The following KCNA2 variants were observed in gnomAD, a reference collection of about 807,000 sequenced individuals.
KCNA2 encodes the protein potassium voltage-gated channel subfamily A member 2, also known as potassium channel, voltage gated shaker related subfamily A, member 2.
In KCNA2, 11 loss-of-function variants were observed where a neutral mutation model predicts 33.4. That is an observed-to-expected ratio of 0.33 (90% CI 0.21 to 0.55). The LOEUF (loss-of-function observed/expected upper bound fraction) is 0.55. Ranked by LOEUF, KCNA2 falls within the 20% of genes least tolerant of loss-of-function variation. KCNA2 has a pLI of 0.93. For synonymous variants in KCNA2, 222 were observed against 231.3 expected (o/e 0.96, Z 0.37); for missense variants, 291 against 621.6 (o/e 0.47, Z 5.66).
Position 110,598,788 on chromosome 1 carries a change from T to C in KCNA2, c.*4495A>G, listed in dbSNP as rs17026173. The C allele has an allele frequency of 0.26, 256,053 of 984,854 alleles. 34,712 individuals carry two copies. Among genetic ancestry groups the C allele is most frequent in the East Asian group, 0.56 (4,927 of 8,788 alleles). The allele number at this position is 984,854 out of a possible 1,614,324, so 61.0% of individuals were successfully genotyped here. ...AGAAGGAAGAGAGCATGTCAAATATTACTGAAGTTTCAGAAAGCACAGAGC... is the reference window on the plus strand; with the variant it reads ...AGAAGGAAGAGAGCATGTCAAATATCACTGAAGTTTCAGAAAGCACAGAGC... On this transcript the variant is annotated 3_prime_UTR_variant, in exon 3 of 3. Coordinates refer to ENST00000316361, the MANE Select transcript of KCNA2 (RefSeq NM_004974.4).
rs1007530867 is a variant in KCNA2, at chr1:110,600,105, G to A, written c.*3178C>T. 6.1e-6 allele frequency: 6 copies of A among 984,922 alleles called. No homozygotes were observed. Among genetic ancestry groups the A allele is most frequent in the East Asian group, 1.1e-4 (1 of 8,798 alleles). 61.0% of individuals were successfully genotyped at this position (984,922 alleles called of 1,614,324 possible). A position where few individuals can be genotyped will look rare whatever the true frequency, so the allele number is the denominator to read the frequency against. ...AAGATCCTGGGGGATATAGACACAG[G>A]CCAGGCAAAGGTGATTACATCTGAT... On this transcript the variant is annotated 3_prime_UTR_variant, in exon 3 of 3. Coordinates refer to ENST00000316361, the MANE Select transcript of KCNA2 (RefSeq NM_004974.4).
In KCNA2 at chr1:110,603,850, G is replaced by A. The variant is rs1649470586; in HGVS notation, c.933C>T (p.Ser311=). 1 of 1,614,044 alleles carries A rather than the reference G, an allele frequency of 6.2e-7. No homozygotes were observed. Among genetic ancestry groups the A allele is most frequent in the South Asian group, 1.1e-5 (1 of 91,086 alleles). ...TCTGACCTAGAATCTGGAGACCTTT[G>A]GAGTGTCTGGACAACTTGAAAATCC... ...VFRIFKLSRH[S]KGLQILGQTL... Residue 311 remains serine, a synonymous_variant, in exon 3 of 3, where the codon TCC becomes TCT. Coordinates refer to ENST00000316361, the MANE Select transcript of KCNA2 (RefSeq NM_004974.4). This position sits in a 1 kb window ranked among gnomAD's most constrained non-coding sequence, Gnocchi z 5.7.
At chr1:110,625,816 T>C (rs1650374138) in intron 1 of KCNA2, among the ~76,000 whole-genome samples, 1 of 152,160 alleles carries the variant, frequency 6.6e-6, no homozygotes, top group Non-Finnish European at 1.5e-5. Flanking sequence ...GACAAAGAAG[T>C]GCATGTGCTC....
At position 110,604,708 on chromosome 1, in the gene KCNA2, T is replaced by C. The variant is rs760500323; in HGVS notation, c.75A>G (p.Pro25=). 1 of 1,614,208 alleles carries C rather than the reference T, an allele frequency of 6.2e-7. No homozygotes were observed. Among genetic ancestry groups the C allele is most frequent in the Non-Finnish European group, 8.5e-7 (1 of 1,180,026 alleles). ...TCTCACAGCACTCGTGGTCTGCCTC[T>C]GGGTCATAGGTGTCCTGTGGGTGCC... is the stretch of plus-strand genomic sequence containing the variant. ...LPGHPQDTYD[P]EADHECCERV... Residue 25 remains proline, a synonymous_variant, in exon 3 of 3, where the codon CCA becomes CCG. Transcript: ENST00000316361. The surrounding 1 kb of genome is among the most constrained non-coding windows in gnomAD (Gnocchi z 7.6).
rs1649422975 is a variant in KCNA2 at position 110,602,942 on chromosome 1, C to T, written c.*341G>A. ...GGATGGTGGGGAGGGGAGTGCATCT[C>T]TTGGATGTTGTGTGCATTTCATTAG... On this transcript the variant is annotated 3_prime_UTR_variant, in exon 3 of 3. Coordinates refer to ENST00000316361, the MANE Select transcript of KCNA2 (RefSeq NM_004974.4). 3 of 1,071,520 alleles carry T rather than the reference C, an allele frequency of 2.8e-6. No homozygotes were observed. The highest frequency in any genetic ancestry group is 3.4e-6 in the Non-Finnish European group (3 of 886,294). The allele number at this position is 1,071,520 out of a possible 1,614,324, so 66.4% of individuals were successfully genotyped here.
Position 110,599,067 on chromosome 1 carries a change from CTGT to C in KCNA2, c.*4213_*4215del, listed in dbSNP as rs1312411988. On this transcript the variant is annotated 3_prime_UTR_variant, in exon 3 of 3. Transcript: ENST00000316361. ...TTTGGACCCATATGTCCACTCCCTA[CTGT>C]TGTTACCTTTTCTGTAGAGACTGGG... 1.0e-6 allele frequency: 1 copy of C among 985,298 alleles called. No individual in the cohort carries two copies. The highest frequency in any genetic ancestry group is 6.1e-5 in the Admixed American group (1 of 16,268). 61.0% of individuals were successfully genotyped at this position (985,298 alleles called of 1,614,324 possible).
chr1:110,630,009 C>CTTTTTTTTTTTTTTT (rs372364243), intron 1 of KCNA2, among the ~76,000 whole-genome samples: 1 of 115,220 alleles, frequency 8.7e-6, no homozygotes, highest in African/African-American at 3.8e-5. Flanking sequence ...GTGCTCTGTA[C>CTTTTTTTTTTTTTTT]TTTTTTTTTT....
Position 110,598,724 on chromosome 1 carries a change from CT to C in KCNA2, c.*4558del, listed in dbSNP as rs2101370329. On this transcript the variant is annotated 3_prime_UTR_variant, in exon 3 of 3. Transcript: ENST00000316361. ...CTCATGGTGACATGCCAACACTAGC[CT>C]CAGAAACACAGGTGAGAGGGACAGA... 2.0e-6 allele frequency: 2 copies of C among 985,328 alleles called. No individual in the cohort carries two copies. Among genetic ancestry groups the C allele is most frequent in the Non-Finnish European group, 2.4e-6 (2 of 829,920 alleles). The allele number at this position is 985,328 out of a possible 1,614,324, so 61.0% of individuals were successfully genotyped here.
rs920361164 is a variant in KCNA2, at chr1:110,599,540, T to C, written c.*3743A>G. ...TCAGGAGTTGGCCCCTTTGGGCTTATGCACAAGAGCAAGTGAAATGCCACA... is the reference window on the plus strand; with the variant it reads ...TCAGGAGTTGGCCCCTTTGGGCTTACGCACAAGAGCAAGTGAAATGCCACA... On this transcript the variant is annotated 3_prime_UTR_variant, in exon 3 of 3. Coordinates refer to ENST00000316361, the MANE Select transcript of KCNA2 (RefSeq NM_004974.4). The C allele has an allele frequency of 6.1e-6, 6 of 985,414 alleles. No individual in the cohort carries two copies. Among genetic ancestry groups the C allele is most frequent in the Non-Finnish European group, 7.2e-6 (6 of 829,948 alleles). 61.0% of individuals were successfully genotyped at this position (985,414 alleles called of 1,614,324 possible). A position where few individuals can be genotyped will look rare whatever the true frequency, so the allele number is the denominator to read the frequency against.
Position 110,600,562 on chromosome 1 carries a change from T to C in KCNA2, c.*2721A>G. The C allele has an allele frequency of 1.0e-6, 1 of 985,368 alleles. No individual in the cohort carries two copies. Among genetic ancestry groups the C allele is most frequent in the Non-Finnish European group, 1.2e-6 (1 of 829,928 alleles). The allele number at this position is 985,368 out of a possible 1,614,324, so 61.0% of individuals were successfully genotyped here. On this transcript the variant is annotated 3_prime_UTR_variant, in exon 3 of 3. Transcript: ENST00000316361. ...TATTTTGCACGTTACATGTTTTATG[T>C]TTGTGTGTGACAACAGTGTACCTAT...
chr1:110,612,948 G>C (rs1335149920), intron 1 of KCNA2, among the ~76,000 whole-genome samples: 3 of 152,188 alleles, frequency 2.0e-5, no homozygotes, highest in African/African-American at 7.2e-5. Context: ...CATGACCTTA[G>C]GTGGGGTGTT....
chr1:110,595,816 T>C lies in KCNA2; in HGVS notation c.*7467A>G. 1 of 985,484 alleles carries C rather than the reference T, an allele frequency of 1.0e-6. No individual in the cohort carries two copies. The highest frequency in any genetic ancestry group is 1.2e-6 in the Non-Finnish European group (1 of 829,946). The allele number at this position is 985,484 out of a possible 1,614,324, so 61.0% of individuals were successfully genotyped here. A position where few individuals can be genotyped will look rare whatever the true frequency, so the allele number is the denominator to read the frequency against. On this transcript the variant is annotated 3_prime_UTR_variant, in exon 3 of 3. Coordinates refer to ENST00000316361, the MANE Select transcript of KCNA2 (RefSeq NM_004974.4). ...AACCTCACCTTCTGTGTGGCAGAGA[T>C]GTGCTTTAGTTCTTCATTGGAATGT...
At chr1:110,627,509 C>T (rs1391109177) in intron 1 of KCNA2, among the ~76,000 whole-genome samples, 1 of 152,176 alleles carries the variant, frequency 6.6e-6, no homozygotes, top group Non-Finnish European at 1.5e-5. Context: ...CTTTCTCTAT[C>T]TCCATTTGTC....
At chr1:110,612,688 T>A (rs1649915035) in intron 1 of KCNA2, among the ~76,000 whole-genome samples, 1 of 152,194 alleles carries the variant, frequency 6.6e-6, no homozygotes, top group African/African-American at 2.4e-5. Context: ...GCAGGTAGGA[T>A]CTATCACCTC....
Position 110,599,837 on chromosome 1 carries a change from A to G in KCNA2, c.*3446T>C. On this transcript the variant is annotated 3_prime_UTR_variant, in exon 3 of 3. Transcript: ENST00000316361. The stretch of plus-strand genomic sequence containing the variant: ...GGGTTGTCTGTGCGGATTTGCTGGA[A>G]GGAAGGAAGGGTCATGGCAAGGAGG... The G allele has an allele frequency of 1.0e-6, 1 of 985,462 alleles. No homozygotes were observed. Among genetic ancestry groups the G allele is most frequent in the Non-Finnish European group, 1.2e-6 (1 of 829,990 alleles). 61.0% of individuals were successfully genotyped at this position (985,462 alleles called of 1,614,324 possible).
chr1:110,597,256 A>C lies in KCNA2; in HGVS notation c.*6027T>G. ...CCCTGGGGAAGGGAGAAGGGGAAGC[A>C]AAAGGATCAAGTAATGGCTTTTAGT... is the stretch of plus-strand genomic sequence containing the variant. On this transcript the variant is annotated 3_prime_UTR_variant, in exon 3 of 3. Coordinates refer to ENST00000316361, the MANE Select transcript of KCNA2 (RefSeq NM_004974.4). 1 of 985,472 alleles carries C rather than the reference A, an allele frequency of 1.0e-6. No homozygotes were observed. Among genetic ancestry groups the C allele is most frequent in the African/African-American group, 1.7e-5 (1 of 57,364 alleles). 61.0% of individuals were successfully genotyped at this position (985,472 alleles called of 1,614,324 possible). A position where few individuals can be genotyped will look rare whatever the true frequency, so the allele number is the denominator to read the frequency against.
In KCNA2 at chr1:110,597,201, C is replaced by T; in HGVS notation, c.*6082G>A. On this transcript the variant is annotated 3_prime_UTR_variant, in exon 3 of 3. Transcript: ENST00000316361. ...CAGGCTACTGATCCCAAGTGCAAAC[C>T]TCCAGGCCACATTCCCTCAGCATCC... The T allele has an allele frequency of 1.0e-6, 1 of 985,428 alleles. No homozygotes were observed. The highest frequency in any genetic ancestry group is 1.2e-6 in the Non-Finnish European group (1 of 829,950). 61.0% of individuals were successfully genotyped at this position (985,428 alleles called of 1,614,324 possible). A position where few individuals can be genotyped will look rare whatever the true frequency, so the allele number is the denominator to read the frequency against.
rs1487491644 is a variant in KCNA2, at chr1:110,602,825, A to G, written c.*458T>C. 2.0e-6 allele frequency: 2 copies of G among 999,482 alleles called. No homozygotes were observed. The highest frequency in any genetic ancestry group is 2.4e-6 in the Non-Finnish European group (2 of 839,456). 61.9% of individuals were successfully genotyped at this position (999,482 alleles called of 1,614,324 possible). On this transcript the variant is annotated 3_prime_UTR_variant, in exon 3 of 3. Transcript: ENST00000316361. ...GTGTGTTCTTTTCAATGCAAAAATG[A>G]GTATGACCTTTTGAACAAACACCAG...
chr1:110,623,850 C>T (rs1023103984), intron 1 of KCNA2, among the ~76,000 whole-genome samples: 4 of 151,054 alleles, frequency 2.6e-5, no homozygotes, highest in Non-Finnish European at 4.4e-5. Context: ...ATAATAAGCA[C>T]ATGAAAAGAT....
Sources: gnomAD v4.1 joint callset for allele counts (sites outside exome capture counted in the v4.1 genomes callset) on GRCh38, gnomAD v4.1.1 for gene constraint, Gnocchi (gnomAD v3.1) non-coding constraint, MANE v1.5 for transcripts, NCBI Gene and HGNC (gene_info 2026-07-23, HGNC 2026-07-21) for gene names.